The following FAM168A variants were observed in gnomAD, a reference collection of about 807,000 sequenced individuals.
FAM168A encodes the protein protein FAM168A.
Under a neutral mutation model 28.5 loss-of-function variants are expected in FAM168A, and 3 were observed. The observed-to-expected ratio is 0.11, with a 90% confidence interval of 0.05 to 0.27. FAM168A has a LOEUF of 0.27. Among genes scored for constraint, FAM168A ranks in the 10% least tolerant of loss-of-function variants. The pLI, the probability that FAM168A is intolerant of heterozygous loss-of-function variation, is 1.00. For synonymous variants in FAM168A, 122 were observed against 124.2 expected (o/e 0.98, Z 0.12); for missense variants, 222 against 311.5 (o/e 0.71, Z 2.16).
intron 1 of FAM168A, among the ~76,000 whole-genome samples, chr11:73,590,631 AC>A (rs1944370135): frequency 2.0e-5 from 3 of 152,210 alleles, no homozygotes; most frequent in South Asian, 4.1e-4. Flanking sequence ...TGCTGGTTAT[AC>A]ATTTTGTGCA....
rs973207273 is a variant in FAM168A, at chr11:73,403,424, T to C, written c.*3339A>G. Reference sequence around the variant, plus strand: ...CTGTACCCCTGATCCTGGCCATAGGTGTTGCACTTGGGGAGAGGCAGTGGC... The same window carrying C: ...CTGTACCCCTGATCCTGGCCATAGGCGTTGCACTTGGGGAGAGGCAGTGGC... On this transcript the variant is annotated 3_prime_UTR_variant, in exon 8 of 8. Transcript: ENST00000356467. The C allele has an allele frequency of 6.6e-6, 1 of 152,172 alleles. No individual in the cohort carries two copies. Among genetic ancestry groups the C allele is most frequent in the African/African-American group, 2.4e-5 (1 of 41,426 alleles). The allele number at this position is 152,172 out of a possible 1,614,324, so 9.4% of individuals were successfully genotyped here. A position where few individuals can be genotyped will look rare whatever the true frequency, so the allele number is the denominator to read the frequency against.
chr11:73,477,495 A>G (rs756449080), intron 1 of FAM168A, among the ~76,000 whole-genome samples: 4 of 152,198 alleles, frequency 2.6e-5, no homozygotes, highest in African/African-American at 9.7e-5. Flanking sequence ...TCCAAGAAAT[A>G]CAATCAACTT....
intron 3 of FAM168A, 57 bp from the exon 4 acceptor site, chr11:73,420,056 T>C: frequency 6.3e-7 from 1 of 1,598,016 alleles, no homozygotes; most frequent in Non-Finnish European, 8.5e-7. Flanking sequence ...CCACCACCAA[T>C]CACAGACACA....
chr11:73,563,201 A>C (rs1943979729), intron 1 of FAM168A, among the ~76,000 whole-genome samples: 1 of 152,224 alleles, frequency 6.6e-6, no homozygotes, highest in African/African-American at 2.4e-5. Context: ...TAAGGCAGAC[A>C]TCTCAAACAT....
chr11:73,562,264 A>C (rs1174776329), intron 1 of FAM168A, among the ~76,000 whole-genome samples: 1 of 152,178 alleles, frequency 6.6e-6, no homozygotes. Flanking sequence ...TTACAGCTGT[A>C]TGACCTCTCT....
intron 1 of FAM168A, among the ~76,000 whole-genome samples, chr11:73,505,980 T>C (rs778493064): frequency 2.0e-5 from 3 of 152,098 alleles, no homozygotes; most frequent in Non-Finnish European, 4.4e-5. Context: ...CTATACAAGC[T>C]CTCTAGGTTA....
At chr11:73,477,314 C>T (rs1020177628) in intron 1 of FAM168A, among the ~76,000 whole-genome samples, 14 of 151,826 alleles carry the variant, frequency 9.2e-5, no homozygotes, top group Admixed American at 2.0e-4. Context: ...CCCAGTGACA[C>T]GCAATTTACC....
intron 2 of FAM168A, among the ~76,000 whole-genome samples, chr11:73,442,552 A>C (rs1867215817): frequency 6.6e-6 from 1 of 152,094 alleles, no homozygotes; most frequent in African/African-American, 2.4e-5. Flanking sequence ...CTGGTTATTT[A>C]GGAATGTGTC....
intron 4 of FAM168A, among the ~76,000 whole-genome samples, chr11:73,418,861 T>C (rs948985267): frequency 1.3e-5 from 2 of 150,728 alleles, no homozygotes; most frequent in Non-Finnish European, 2.9e-5. Context: ...CAGGCTGGAG[T>C]GCAGTGGCGT....
intron 1 of FAM168A, among the ~76,000 whole-genome samples, chr11:73,595,768 A>G (rs185474469): frequency 1.8e-4 from 27 of 152,382 alleles, no homozygotes; most frequent in Admixed American, 9.8e-4. Context: ...AAAAAATAAA[A>G]TAAAAATGAC....
chr11:73,514,902 G>T (rs1748344795), intron 1 of FAM168A, among the ~76,000 whole-genome samples: 2 of 151,704 alleles, frequency 1.3e-5, no homozygotes, highest in Admixed American at 1.3e-4. Context: ...TACTACATTT[G>T]ATCTTCACAA....
At chr11:73,447,982 A>G (rs1208184971) in intron 2 of FAM168A, among the ~76,000 whole-genome samples, 5 of 152,230 alleles carry the variant, frequency 3.3e-5, no homozygotes, top group Non-Finnish European at 1.5e-5. Flanking sequence ...ATCACTTTGC[A>G]GAGTTGAGAT....
intron 1 of FAM168A, among the ~76,000 whole-genome samples, chr11:73,594,592 T>C (rs975918121): frequency 1.3e-5 from 2 of 152,126 alleles, no homozygotes; most frequent in Non-Finnish European, 2.9e-5. Context: ...TATGCTGGAG[T>C]GCAATGGCGC....
At chr11:73,583,511 A>C (rs1033472885) in intron 1 of FAM168A, among the ~76,000 whole-genome samples, 2 of 152,218 alleles carry the variant, frequency 1.3e-5, no homozygotes, top group African/African-American at 4.8e-5. Context: ...TGCAAGTGGA[A>C]GAGACCAACA....
rs114348384 is a variant in FAM168A at position 73,417,193 on chromosome 11, T to C, written c.277+2681A>G. 7.4e-3 allele frequency among the ~76,000 whole-genome samples: 1,120 copies of C among 152,284 alleles called. 16 individuals are homozygous for C. The highest frequency in any genetic ancestry group is 0.026 in the African/African-American group (1,083 of 41,544). ...AGGGCAGCTAGAGAGGTGGTCCCTG[T>C]TGGGGTGGAAGACGCTGAGTACACA... On this transcript the variant is annotated intron_variant, in intron 4 of 7. Transcript: ENST00000356467.
intron 1 of FAM168A, among the ~76,000 whole-genome samples, chr11:73,470,687 CTG>C (rs1271060383): frequency 6.6e-6 from 1 of 152,160 alleles, no homozygotes; most frequent in African/African-American, 2.4e-5. Context: ...TGCTTGTACT[CTG>C]ATATTGGACT....
At chr11:73,591,699 T>C (rs199707674) in intron 1 of FAM168A, among the ~76,000 whole-genome samples, 13 of 152,124 alleles carry the variant, frequency 8.5e-5, no homozygotes, top group Non-Finnish European at 1.5e-4. Flanking sequence ...TTGTAGAGAC[T>C]GGATCTCACT....
chr11:73,548,032 T>A (rs2134688408), intron 1 of FAM168A, among the ~76,000 whole-genome samples: 1 of 152,254 alleles, frequency 6.6e-6, no homozygotes, highest in Non-Finnish European at 1.5e-5. Flanking sequence ...TCTAAAGTAG[T>A]CAAACTCACA....
chr11:73,565,666 G>C (rs570890394), intron 1 of FAM168A, among the ~76,000 whole-genome samples: 5 of 151,698 alleles, frequency 3.3e-5, no homozygotes, highest in Non-Finnish European at 7.4e-5. Context: ...TTTAAGGAGA[G>C]ACATTTCAAA....
Sources: gnomAD v4.1 joint callset for allele counts (sites outside exome capture counted in the v4.1 genomes callset) on GRCh38, gnomAD v4.1.1 for gene constraint, MANE v1.5 for transcripts, NCBI Gene and HGNC (gene_info 2026-07-23, HGNC 2026-07-21) for gene names.